Variants in NPHP3 observed in about 807,000 individuals in gnomAD.
NPHP3 encodes nephrocystin 3.
NPHP3 carries 123 observed loss-of-function variants against 171.9 expected under a neutral mutation model. That is an observed-to-expected ratio of 0.72 (90% CI 0.62 to 0.83). The LOEUF is 0.83. NPHP3 is among the 40% of genes least tolerant of loss of function. The pLI is 0.00. For synonymous variants in NPHP3, 558 were observed against 579.2 expected (o/e 0.96, Z 0.52); for missense variants, 1,506 against 1,591.9 (o/e 0.95, Z 0.92).
chr3:132,699,224 C>T, intron 13 of NPHP3, 129 bp downstream of exon 13: 1 of 668,196 alleles, frequency 1.5e-6, no homozygotes, highest in African/African-American at 1.8e-5. Context: ...ATAAATTCAC[C>T]CACTTCTCCC....
intron 14 of NPHP3, among the ~76,000 whole-genome samples, 164 bp from the exon 15 acceptor site, chr3:132,696,977 C>T (rs894746344): frequency 4.6e-5 from 7 of 152,236 alleles, no homozygotes; most frequent in Non-Finnish European, 8.8e-5. Context: ...CTGTGGGCAG[C>T]CTTCCAACTG....
chr3:132,688,887 A>G lies in NPHP3; in HGVS notation c.2888T>C (p.Ile963Thr), dbSNP rs1413249397. The G allele has an allele frequency of 1.9e-6, 3 of 1,614,098 alleles. No individual in the cohort carries two copies. The highest frequency in any genetic ancestry group is 2.5e-6 in the Non-Finnish European group (3 of 1,179,976). Residue 963 changes from isoleucine (I) to threonine (T), a missense_variant, in exon 21 of 27, where the codon ATA becomes ACA. Transcript: ENST00000337331. ...CTCTAAAGACCTCTGCAAAGGTACT[A>G]TGGCCTGGGGGGAAAAGGGGTGAAA... ...LKDLGLLSQA[I>T]VPLQRSLEIR... is the part of the protein sequence containing the mutation.
intron 17 of NPHP3, among the ~76,000 whole-genome samples, 192 bp downstream of exon 17, chr3:132,692,462 G>C (rs192735986): frequency 2.0e-4 from 30 of 148,936 alleles, no homozygotes; most frequent in Non-Finnish European, 2.5e-4. Context: ...ACCACTTAAC[G>C]TGAGATCTAC....
At position 132,704,471 on chromosome 3, in the gene NPHP3, G is replaced by C. The variant is rs983181544; in HGVS notation, c.1351-100C>G. 7 of 1,168,950 alleles carry C rather than the reference G, an allele frequency of 6.0e-6. No individual in the cohort carries two copies. The East Asian group carries it at 1.6e-4, about 27-fold the overall frequency. The allele number at this position is 1,168,950 out of a possible 1,614,324, so 72.4% of individuals were successfully genotyped here. Reference sequence around the variant, plus strand: ...AGTGGGCTTCACCTACTTTTGGGAGGGCAAGTTCAAACATACAGCCTTTGT... The same window carrying C: ...AGTGGGCTTCACCTACTTTTGGGAGCGCAAGTTCAAACATACAGCCTTTGT... On this transcript the variant is annotated intron_variant, in intron 8 of 26. Coordinates refer to ENST00000337331, the MANE Select transcript of NPHP3 (RefSeq NM_153240.5).
At chr3:132,682,302 T>C (rs1215431018) in intron 26 of NPHP3, 5 of 593,000 alleles carry the variant, frequency 8.4e-6, no homozygotes, top group Middle Eastern at 4.4e-4. Context: ...TGGATATCAT[T>C]AAAACCATGT....
At chr3:132,720,305 A>G (rs866232599) in intron 1 of NPHP3, among the ~76,000 whole-genome samples, 3 of 152,330 alleles carry the variant, frequency 2.0e-5, no homozygotes, top group African/African-American at 7.2e-5. Context: ...ATAAATATGG[A>G]TAAGTTTTTT....
chr3:132,685,469 C>T (rs1305555192), intron 23 of NPHP3: 1 of 152,162 alleles, frequency 6.6e-6, no homozygotes, highest in Non-Finnish European at 1.5e-5. Flanking sequence ...ATATAAGTTT[C>T]TGTAAGTGGG....
chr3:132,688,249 A>AACAT lies in NPHP3; in HGVS notation c.3125+400_3125+401insATGT, dbSNP rs199602593. On this transcript the variant is annotated intron_variant, in intron 21 of 26. Transcript: ENST00000337331. ...GGCTATGTGTATAAGGTGTATATGAAAAATACATTTCATGTTTAGACTTGG... is the reference window on the plus strand; with the variant it reads ...GGCTATGTGTATAAGGTGTATATGAAACATAAATACATTTCATGTTTAGACTTGG... Among the ~76,000 whole-genome samples, 183 of 152,346 alleles carry AACAT rather than the reference A, an allele frequency of 1.2e-3. 1 individual carries two copies. The highest frequency in any genetic ancestry group is 3.8e-3 in the African/African-American group (157 of 41,574).
intron 14 of NPHP3, 33 bp downstream of exon 14, chr3:132,697,227 G>T: frequency 7.4e-7 from 1 of 1,347,450 alleles, no homozygotes; most frequent in Non-Finnish European, 1.1e-6. Context: ...AGATGAGAGA[G>T]TAAAAGATTG....
At chr3:132,710,479 TCA>T (rs1421555939) in intron 6 of NPHP3, among the ~76,000 whole-genome samples, 2 of 152,000 alleles carry the variant, frequency 1.3e-5, no homozygotes, top group African/African-American at 4.8e-5. Flanking sequence ...GGAAAACCAG[TCA>T]CAGTCGCCCC....
intron 5 of NPHP3, 56 bp downstream of exon 5, chr3:132,715,029 T>C: frequency 7.1e-7 from 1 of 1,416,412 alleles, no homozygotes. Context: ...AGAAACAGAA[T>C]ATAATATTAA....
At position 132,691,218 on chromosome 3, in the gene NPHP3, T is replaced by G; in HGVS notation, c.2544A>C (p.Leu848=). 6.2e-7 allele frequency: 1 copy of G among 1,613,300 alleles called. No homozygotes were observed. Among genetic ancestry groups the G allele is most frequent in the Non-Finnish European group, 8.5e-7 (1 of 1,179,372 alleles). ...PTVTSSYRQK[L]INYFTLQLSQ... ...TTAGCTGCAAGGTGAAATAGTTGAT[T>G]AGCTTTTGCCTGTATGAAGAAGTAA... The change falls in exon 18 of 27, where the codon CTA becomes CTC. Residue 848 remains leucine (L), a synonymous_variant. Coordinates refer to ENST00000337331, the MANE Select transcript of NPHP3 (RefSeq NM_153240.5).
At chr3:132,719,597 C>G (rs1355696739) in intron 2 of NPHP3, 108 bp downstream of exon 2, 1 of 728,334 alleles carries the variant, frequency 1.4e-6, no homozygotes, top group Non-Finnish European at 2.0e-6. Flanking sequence ...TTTCCTGAAT[C>G]CTACATGACT....
chr3:132,699,358 T>G lies in NPHP3; in HGVS notation c.1980A>C (p.Ala660=). ...VSVNVETCPP[A]WRLWPTLHLD... is the part of the protein sequence containing the mutation. Reference sequence around the variant, plus strand: ...AACTAAAGTTGGCATCGTACCTCCATGCTGGAGGGCATGTTTCTACATTCA... The same window carrying G: ...AACTAAAGTTGGCATCGTACCTCCAGGCTGGAGGGCATGTTTCTACATTCA... Residue 660 remains alanine, a synonymous_variant, in exon 13 of 27, where the codon GCA becomes GCC. Coordinates refer to ENST00000337331, the MANE Select transcript of NPHP3 (RefSeq NM_153240.5). 1 of 1,605,206 alleles carries G rather than the reference T, an allele frequency of 6.2e-7. No individual in the cohort carries two copies. The highest frequency in any genetic ancestry group is 8.5e-7 in the Non-Finnish European group (1 of 1,172,612).
intron 7 of NPHP3, among the ~76,000 whole-genome samples, chr3:132,706,215 C>A (rs1007934836): frequency 1.3e-5 from 2 of 151,814 alleles, no homozygotes; most frequent in Non-Finnish European, 2.9e-5. Flanking sequence ...AAAAATTAGC[C>A]GGGCGTGGTG....
At position 132,719,727 on chromosome 3, in the gene NPHP3, T is replaced by C; in HGVS notation, c.497A>G (p.Asp166Gly). 3 of 1,568,544 alleles carry C rather than the reference T, an allele frequency of 1.9e-6. No individual in the cohort carries two copies. Among genetic ancestry groups the C allele is most frequent in the Non-Finnish European group, 2.6e-6 (3 of 1,153,934 alleles). The change falls in exon 2 of 27, where the codon GAT becomes GGT. Residue 166 changes from aspartate (D) to glycine (G), a missense_variant. Physicochemically the swap from Asp to Gly is moderately conservative, Grantham distance 94. Coordinates refer to ENST00000337331, the MANE Select transcript of NPHP3 (RefSeq NM_153240.5). ...ERAATFEHDR[D>G]KVKRQFKIFR... ...TACCTTGAATTGCCTTTTAACTTTATCTCTGTCATGTTCAAATGTTGCTGC... is the reference window on the plus strand; with the variant it reads ...TACCTTGAATTGCCTTTTAACTTTACCTCTGTCATGTTCAAATGTTGCTGC...
chr3:132,702,932 T>C (rs919075324), intron 9 of NPHP3, among the ~76,000 whole-genome samples: 4 of 152,150 alleles, frequency 2.6e-5, no homozygotes, highest in East Asian at 3.8e-4. Flanking sequence ...AGAAAAACCA[T>C]AGGATCTGGA....
intron 5 of NPHP3, 53 bp downstream of exon 5, chr3:132,715,032 A>G: frequency 2.1e-6 from 3 of 1,429,058 alleles, no homozygotes; most frequent in Non-Finnish European, 2.9e-6. Context: ...AACAGAATAT[A>G]ATATTAACTT....
intron 9 of NPHP3, among the ~76,000 whole-genome samples, chr3:132,703,799 C>G (rs1253432574): frequency 3.9e-5 from 6 of 152,092 alleles, no homozygotes; most frequent in Non-Finnish European, 8.8e-5. Flanking sequence ...AGGCTAGTTT[C>G]AAACTCCTGG....
Sources: gnomAD v4.1 joint callset for allele counts (sites outside exome capture counted in the v4.1 genomes callset) on GRCh38, gnomAD v4.1.1 for gene constraint, MANE v1.5 for transcripts, NCBI Gene and HGNC (gene_info 2026-07-23, HGNC 2026-07-21) for gene names.